The following WBP4 variants were observed in gnomAD, a reference collection of about 807,000 sequenced individuals.
WBP4 encodes WW domain binding protein 4.
In WBP4, 37 loss-of-function variants were observed where a neutral mutation model predicts 55.4. The observed-to-expected ratio is 0.67, with a 90% CI of 0.51 to 0.88. The LOEUF is 0.88. Ranked by LOEUF, WBP4 falls within the 40% of genes least tolerant of loss-of-function variation. WBP4 has a pLI of 0.00. For synonymous variants in WBP4, 142 were observed against 140.2 expected, an observed-to-expected ratio of 1.01 and a Z score of -0.09; for missense variants, 398 against 420.8, an observed-to-expected ratio of 0.95 and a Z score of 0.47.
chr13:41,079,132 A>G (rs923885168), intron 8 of WBP4, among the ~76,000 whole-genome samples: 4 of 152,184 alleles, frequency 2.6e-5, no homozygotes, highest in Non-Finnish European at 5.9e-5. Flanking sequence ...GAAAAGGGGG[A>G]AAAGGACATG....
Position 41,080,703 on chromosome 13 carries a change from A to G in WBP4, c.814A>G (p.Ile272Val). Residue 272 changes from isoleucine (I) to valine (V), a missense_variant, in exon 9 of 10, where the codon ATT becomes GTT. Physicochemically the swap from Ile to Val is conservative, Grantham distance 29 (BLOSUM62 3). Transcript: ENST00000379487. ...CCCAGAAACACAGAAAGAAAAAAGT[A>G]TTCAGAAACAGAATTCATTAGGTTC... ...SDPETQKEKS[I>V]QKQNSLGSNE... 2 of 1,604,890 alleles carry G rather than the reference A, an allele frequency of 1.2e-6. No homozygotes were observed. Among genetic ancestry groups the G allele is most frequent in the South Asian group, 1.1e-5 (1 of 88,194 alleles).
Position 41,082,919 on chromosome 13 carries a change from A to G in WBP4, c.*5A>G. On this transcript the variant is annotated 3_prime_UTR_variant, in exon 10 of 10. Transcript: ENST00000379487. Reference sequence around the variant, plus strand: ...CAACGAGGTGATGATCAATAGTTGCAGGAGAGCTTTTTGTACATGCTTTTA... The same window carrying G: ...CAACGAGGTGATGATCAATAGTTGCGGGAGAGCTTTTTGTACATGCTTTTA... 6.2e-7 allele frequency: 1 copy of G among 1,613,728 alleles called. No homozygotes were observed. Among genetic ancestry groups the G allele is most frequent in the Non-Finnish European group, 8.5e-7 (1 of 1,179,838 alleles).
chr13:41,075,334 C>T (rs1166994408), intron 7 of WBP4, among the ~76,000 whole-genome samples: 1 of 152,118 alleles, frequency 6.6e-6, no homozygotes, highest in Non-Finnish European at 1.5e-5. Context: ...ATTTAATATT[C>T]ACTTAGTGCT....
intron 8 of WBP4, among the ~76,000 whole-genome samples, chr13:41,078,439 A>G (rs1878598765): frequency 6.6e-6 from 1 of 152,222 alleles, no homozygotes; most frequent in Non-Finnish European, 1.5e-5. Flanking sequence ...GGCTAGCTGT[A>G]TGCAGAAGAA....
In WBP4 at chr13:41,061,578, T is replaced by G. The variant is rs1593421626; in HGVS notation, c.-96T>G. The G allele has an allele frequency of 3.1e-6, 5 of 1,592,292 alleles. No individual in the cohort carries two copies. The South Asian group carries it at 5.5e-5, about 18-fold the overall frequency. Reference sequence around the variant, plus strand: ...TGTCTGGATCGGAGGGAGGTTCGGGTGGGCATCGGGCGGCTGGAAGAGCTC... The same window carrying G: ...TGTCTGGATCGGAGGGAGGTTCGGGGGGGCATCGGGCGGCTGGAAGAGCTC... On this transcript the variant is annotated 5_prime_UTR_variant, in exon 1 of 10. Transcript: ENST00000379487.
At position 41,080,695 on chromosome 13, in the gene WBP4, A is replaced by G; in HGVS notation, c.806A>G (p.Glu269Gly). Reference sequence around the variant, plus strand: ...GGAAGTGACCCAGAAACACAGAAAGAAAAAAGTATTCAGAAACAGAATTCA... The same window carrying G: ...GGAAGTGACCCAGAAACACAGAAAGGAAAAAGTATTCAGAAACAGAATTCA... ...DGGSDPETQK[E>G]KSIQKQNSLG... The change falls in exon 9 of 10, where the codon GAA (glutamate) becomes GGA (glycine). Residue 269 changes from glutamate to glycine, a missense_variant. Coordinates refer to ENST00000379487, the MANE Select transcript of WBP4 (RefSeq NM_007187.5). The G allele has an allele frequency of 6.2e-7, 1 of 1,601,354 alleles. No individual in the cohort carries two copies. The highest frequency in any genetic ancestry group is 1.1e-5 in the South Asian group (1 of 87,382).
At chr13:41,077,119 A>C (rs1878527369) in intron 8 of WBP4, among the ~76,000 whole-genome samples, 2 of 152,186 alleles carry the variant, frequency 1.3e-5, no homozygotes, top group South Asian at 4.1e-4. Context: ...AGATTAATAC[A>C]CCATGATAAA....
chr13:41,063,539 A>G (rs1376996263), intron 2 of WBP4, among the ~76,000 whole-genome samples: 1 of 151,986 alleles, frequency 6.6e-6, no homozygotes, highest in East Asian at 1.9e-4. Context: ...TACCTAGGCT[A>G]TCCTTATAAA....
chr13:41,074,293 C>T (rs1245451207), intron 7 of WBP4, among the ~76,000 whole-genome samples: 1 of 152,182 alleles, frequency 6.6e-6, no homozygotes, highest in Non-Finnish European at 1.5e-5. Context: ...TTTATCAGAA[C>T]AGCTATAACA....
intron 5 of WBP4, among the ~76,000 whole-genome samples, chr13:41,070,576 G>A (rs767043290): frequency 5.9e-5 from 9 of 151,780 alleles, no homozygotes; most frequent in African/African-American, 9.7e-5. Context: ...AATTAGATAC[G>A]TTGAATATGA....
At position 41,082,962 on chromosome 13, in the gene WBP4, A is replaced by ATAG; in HGVS notation, c.*50_*51insGTA. The ATAG allele has an allele frequency of 6.5e-7, 1 of 1,550,172 alleles. No individual in the cohort carries two copies. The highest frequency in any genetic ancestry group is 8.8e-7 in the Non-Finnish European group (1 of 1,130,798). ...TGCTTTTAGGACAGAATGGAGACTT[A>ATAG]TACACCCAAAGTTTATCTGTGTTTG... On this transcript the variant is annotated 3_prime_UTR_variant, in exon 10 of 10. Transcript: ENST00000379487.
rs1209963226 is a variant in WBP4, at chr13:41,082,857, GAGA to G, written c.1079_1081del (p.Arg360del). On this transcript the variant is annotated inframe_deletion, in exon 10 of 10. Coordinates refer to ENST00000379487, the MANE Select transcript of WBP4 (RefSeq NM_007187.5). ...ATGGAGTGGCCCCAGTCTTCAAAAA[GAGA>G]AGAACTGAAAATGGAAAATCTAGAA... 2.5e-6 allele frequency: 4 copies of G among 1,613,938 alleles called. No individual in the cohort carries two copies. The highest frequency in any genetic ancestry group is 2.2e-5 in the East Asian group (1 of 44,878).
chr13:41,081,341 A>G (rs927419417), intron 9 of WBP4, among the ~76,000 whole-genome samples: 1 of 151,890 alleles, frequency 6.6e-6, no homozygotes, highest in African/African-American at 2.4e-5. Context: ...TCTACCAAAA[A>G]AAAAAAACTT....
Position 41,065,156 on chromosome 13 carries a change from T to G in WBP4, c.139-8T>G, listed in dbSNP as rs766446880. 1 of 1,608,348 alleles carries G rather than the reference T, an allele frequency of 6.2e-7. No individual in the cohort carries two copies. The highest frequency in any genetic ancestry group is 1.1e-5 in the South Asian group (1 of 89,688). ...TCTCACTTTCACTGTTATGTATGTCTTACATAGATTAAACAGAAAAGCCTG... is the reference window on the plus strand; with the variant it reads ...TCTCACTTTCACTGTTATGTATGTCGTACATAGATTAAACAGAAAAGCCTG... On this transcript the variant is annotated splice_polypyrimidine_tract_variant and splice_region_variant and intron_variant, in intron 3 of 9. Coordinates refer to ENST00000379487, the MANE Select transcript of WBP4 (RefSeq NM_007187.5).
intron 2 of WBP4, among the ~76,000 whole-genome samples, chr13:41,064,151 G>A (rs1489423711): frequency 6.6e-6 from 1 of 151,568 alleles, no homozygotes; most frequent in Non-Finnish European, 1.5e-5. Context: ...ATACATAAAA[G>A]GTAATGTACT....
At chr13:41,068,781 G>A (rs1418842504) in intron 5 of WBP4, 44 bp downstream of exon 5, 1 of 1,471,316 alleles carries the variant, frequency 6.8e-7, no homozygotes, top group South Asian at 1.5e-5. Flanking sequence ...AGTGTCACTA[G>A]TAGAATAGAA....
At chr13:41,075,794 C>T (rs1487877803) in intron 7 of WBP4, among the ~76,000 whole-genome samples, 1 of 151,992 alleles carries the variant, frequency 6.6e-6, no homozygotes, top group Non-Finnish European at 1.5e-5. Context: ...GAAATATCAC[C>T]CAGTTCTTAG....
intron 7 of WBP4, among the ~76,000 whole-genome samples, chr13:41,073,497 G>A (rs1460303106): frequency 1.3e-5 from 2 of 148,174 alleles, no homozygotes; most frequent in Non-Finnish European, 3.0e-5. Context: ...TGGGCAACAA[G>A]AGCAAAACTC....
intron 4 of WBP4, among the ~76,000 whole-genome samples, chr13:41,066,335 A>G (rs927657137): frequency 1.3e-5 from 2 of 152,222 alleles, no homozygotes; most frequent in Non-Finnish European, 2.9e-5. Context: ...TACATATTCA[A>G]ACATACAACA....
Sources: allele counts gnomAD v4.1 joint callset (sites outside exome capture counted in the v4.1 genomes callset), GRCh38; gene constraint gnomAD v4.1.1; transcripts MANE v1.5; gene names NCBI Gene and HGNC (gene_info 2026-07-23, HGNC 2026-07-21).